The following ZNF782 variants were observed in gnomAD, a reference collection of about 807,000 sequenced individuals.
ZNF782 encodes zinc finger protein 782.
A neutral mutation model predicts 13.0 loss-of-function variants in ZNF782; 12 were observed. The ratio of observed to expected loss-of-function variants is 0.92; its 90% CI spans 0.59 to 1.50. The LOEUF is 1.50. Among genes scored for constraint, ZNF782 ranks in the 40% most tolerant of loss-of-function variants. The pLI is 0.00. For synonymous variants in ZNF782, 284 were observed against 283.0 expected (o/e 1.00, Z -0.04); for missense variants, 770 against 822.9 (o/e 0.94, Z 0.79).
the ZNF782 span, among the ~76,000 whole-genome samples, chr9:96,906,884 C>T: frequency 6.6e-6 from 1 of 152,262 alleles, no homozygotes; most frequent in Non-Finnish European, 1.5e-5. Flanking sequence ...CATCCTGAAG[C>T]TACCTAGGAG....
the ZNF782 span, chr9:96,932,026 C>T: frequency 1.2e-5 from 20 of 1,610,074 alleles, no homozygotes; most frequent in Middle Eastern, 2.3e-4. Context: ...AGGCCCCCCT[C>T]GTCTGGCAGG....
intron 1 of ZNF782, among the ~76,000 whole-genome samples, chr9:96,864,847 A>G (rs1851738265): frequency 6.6e-6 from 1 of 150,698 alleles, no homozygotes; most frequent in Non-Finnish European, 1.5e-5. Context: ...GCCTGGGCAA[A>G]AAGTGAGACC....
chr9:96,870,422 A>T (rs2118883422), intron 1 of ZNF782, among the ~76,000 whole-genome samples: 2 of 152,322 alleles, frequency 1.3e-5, no homozygotes, highest in South Asian at 4.1e-4. Flanking sequence ...AAAGACAGGA[A>T]AATATCACCT....
In ZNF782 at chr9:96,867,301, C is replaced by G. The variant is rs144365806; in HGVS notation, c.-456-5698G>C. 5.1e-3 allele frequency among the ~76,000 whole-genome samples: 780 copies of G among 152,204 alleles called. 8 individuals are homozygous for G. The highest frequency in any genetic ancestry group is 0.018 in the African/African-American group (746 of 41,528). On this transcript the variant is annotated intron_variant, in intron 1 of 5. Transcript: ENST00000498811. The stretch of plus-strand genomic sequence containing the variant: ...AGTGAATAAGTCTCATGAGATCTGA[C>G]AGTATTATAAGGAGTTTCCCTATAC...
At chr9:96,841,766 G>A (rs994698439) in intron 4 of ZNF782, among the ~76,000 whole-genome samples, 9 of 151,928 alleles carry the variant, frequency 5.9e-5, no homozygotes, top group Non-Finnish European at 8.8e-5. Context: ...TTTGGTGAAA[G>A]ACTAGATGTT....
the ZNF782 span, among the ~76,000 whole-genome samples, chr9:96,916,072 G>C: frequency 6.6e-6 from 1 of 151,926 alleles, no homozygotes; most frequent in Non-Finnish European, 1.5e-5. Flanking sequence ...CGAAATGCCA[G>C]GTAAGTGAGT....
At position 96,819,771 on chromosome 9, in the gene ZNF782, G is replaced by T; in HGVS notation, c.252C>A (p.Ser84=). 1 of 1,569,578 alleles carries T rather than the reference G, an allele frequency of 6.4e-7. No individual in the cohort carries two copies. The highest frequency in any genetic ancestry group is 2.3e-5 in the East Asian group (1 of 44,292). Reference sequence around the variant, plus strand: ...TCTTCTCTGAGATTTCATCAGGTTGGGAGTCTTCTAAAAATGATAAAATTA... The same window carrying T: ...TCTTCTCTGAGATTTCATCAGGTTGTGAGTCTTCTAAAAATGATAAAATTA... ...GFLSRNSPED[S]QPDEISEKSP... is the part of the protein sequence containing the mutation. Residue 84 remains serine, a synonymous_variant, in exon 6 of 6, where the codon TCC becomes TCA. Coordinates refer to ENST00000481138, the MANE Select transcript of ZNF782 (RefSeq NM_001001662.3).
upstream of ZNF782, among the ~76,000 whole-genome samples, chr9:96,877,380 C>G (rs552921106): frequency 6.6e-6 from 1 of 152,356 alleles, no homozygotes; most frequent in South Asian, 2.1e-4. Context: ...AGGCCCTGAC[C>G]TCTGAATCTT....
intron 4 of ZNF782, among the ~76,000 whole-genome samples, chr9:96,844,163 G>A (rs1428563812): frequency 6.6e-6 from 1 of 152,190 alleles, no homozygotes; most frequent in African/African-American, 2.4e-5. Flanking sequence ...TGTGGAGCCA[G>A]TTTGAAAACA....
chr9:96,929,283 G>A, the ZNF782 span, among the ~76,000 whole-genome samples: 1 of 152,128 alleles, frequency 6.6e-6, no homozygotes, highest in East Asian at 1.9e-4. Context: ...GGATGGAGAG[G>A]ATGGCTTGAT....
the ZNF782 span, among the ~76,000 whole-genome samples, chr9:96,896,347 G>A: frequency 6.6e-6 from 1 of 152,082 alleles, no homozygotes; most frequent in Non-Finnish European, 1.5e-5. Context: ...GATCTTAATT[G>A]CCTTTCCCTT....
the ZNF782 span, among the ~76,000 whole-genome samples, chr9:96,929,641 T>A: frequency 6.6e-6 from 1 of 151,594 alleles, no homozygotes; most frequent in Non-Finnish European, 1.5e-5. Context: ...TCAGTTCAGG[T>A]AGCTGTTGGC....
the ZNF782 span, among the ~76,000 whole-genome samples, chr9:96,882,592 A>G: frequency 2.0e-5 from 3 of 152,194 alleles, no homozygotes; most frequent in African/African-American, 7.2e-5. Flanking sequence ...ATACATTTTA[A>G]TCTCTAATCA....
At chr9:96,887,036 G>A in the ZNF782 span, among the ~76,000 whole-genome samples, 8 of 151,994 alleles carry the variant, frequency 5.3e-5, no homozygotes, top group East Asian at 1.9e-4. Context: ...GAAACTGGCC[G>A]GATGCGGTGG....
At chr9:96,879,945 A>G (rs1240222263), upstream of ZNF782, among the ~76,000 whole-genome samples, 1 of 151,644 alleles carries the variant, frequency 6.6e-6, no homozygotes, top group East Asian at 1.9e-4. Context: ...GGATAGACTT[A>G]TTTTTTCCTT....
intron 1 of ZNF782, among the ~76,000 whole-genome samples, chr9:96,873,365 T>A (rs886333865): frequency 5.3e-5 from 8 of 152,134 alleles, no homozygotes; most frequent in African/African-American, 1.9e-4. Context: ...TTTAAAAAAC[T>A]AGTTTGGGAG....
chr9:96,905,610 C>T, the ZNF782 span, among the ~76,000 whole-genome samples: 1 of 151,374 alleles, frequency 6.6e-6, no homozygotes, highest in Non-Finnish European at 1.5e-5. Flanking sequence ...CTGAGTCTTG[C>T]TCTGTCACCT....
At chr9:96,872,895 A>G (rs1210153842) in intron 1 of ZNF782, among the ~76,000 whole-genome samples, 1 of 152,210 alleles carries the variant, frequency 6.6e-6, no homozygotes, top group African/African-American at 2.4e-5. Flanking sequence ...AAGGATTCCC[A>G]GGAATAGTGT....
intron 3 of ZNF782, among the ~76,000 whole-genome samples, chr9:96,859,676 T>G (rs1011687489): frequency 1.3e-5 from 2 of 152,136 alleles, no homozygotes; most frequent in Non-Finnish European, 2.9e-5. Flanking sequence ...TGGCATCAGG[T>G]GTGACCCCGC....
Sources: gnomAD v4.1 joint callset for allele counts (sites outside exome capture counted in the v4.1 genomes callset) on GRCh38, gnomAD v4.1.1 for gene constraint, MANE v1.5 for transcripts, NCBI Gene and HGNC (gene_info 2026-07-23, HGNC 2026-07-21) for gene names.